SLC9A2: variants seen among roughly 807,000 people sequenced by gnomAD.
The protein encoded by SLC9A2 is sodium/hydrogen exchanger 2.
SLC9A2 carries 42 observed loss-of-function variants against 71.7 expected under a neutral mutation model. The ratio of observed to expected loss-of-function variants is 0.59; its 90% CI spans 0.46 to 0.76. The LOEUF (loss-of-function observed/expected upper bound fraction) is 0.76. Ranked by LOEUF, SLC9A2 falls within the 30% of genes least tolerant of loss-of-function variation. The probability of loss-of-function intolerance (pLI) is 0.00; values close to 1 mark genes in which losing one functional copy is unlikely to be tolerated. For synonymous variants in SLC9A2, 396 were observed against 392.5 expected (o/e 1.01, Z -0.10); for missense variants, 829 against 1,017.4 (o/e 0.81, Z 2.52).
intron 7 of SLC9A2, among the ~76,000 whole-genome samples, chr2:102,696,837 A>G (rs1415045053): frequency 1.3e-5 from 2 of 152,324 alleles, no homozygotes; most frequent in Non-Finnish European, 2.9e-5. Flanking sequence ...TATATTCTCC[A>G]TTGTAAAACT....
chr2:102,688,620 C>G (rs541493324), intron 5 of SLC9A2, among the ~76,000 whole-genome samples: 3 of 151,940 alleles, frequency 2.0e-5, no homozygotes, highest in African/African-American at 7.3e-5. Flanking sequence ...CCCAGCTACT[C>G]GGGAGGCTGA....
At chr2:102,665,773 TAAAAAAAAAAAAAA>T (rs11426516) in intron 3 of SLC9A2, among the ~76,000 whole-genome samples, 12 of 38,772 alleles carry the variant, frequency 3.1e-4, no homozygotes, top group Admixed American at 5.1e-4. Context: ...GACTCTGTCT[TAAAAAAAAAAAAAA>T]AAAAAAAAAA....
chr2:102,670,847 T>G (rs1677235257), intron 3 of SLC9A2, among the ~76,000 whole-genome samples: 1 of 99,502 alleles, frequency 1.0e-5, no homozygotes, highest in Non-Finnish European at 2.0e-5. Flanking sequence ...TAGGAAGGCA[T>G]GCTTTTTTTT....
In SLC9A2 at chr2:102,690,879, A is replaced by G. The variant is rs897249059; in HGVS notation, c.1426-3535A>G. 6.6e-5 allele frequency among the ~76,000 whole-genome samples: 10 copies of G among 152,120 alleles called. No homozygotes were observed. In the East Asian group the frequency reaches 1.7e-3, roughly 26 times the overall value. The stretch of plus-strand genomic sequence containing the variant: ...TTCTGGAAATTACCTGATAATCAGC[A>G]AGGAAATATAAGTTTCTCTCTCCCA... On this transcript the variant is annotated intron_variant, in intron 5 of 11. Coordinates refer to ENST00000233969, the MANE Select transcript of SLC9A2 (RefSeq NM_003048.6).
intron 5 of SLC9A2, 131 bp downstream of exon 5, chr2:102,684,467 CCTGTCTGGGTTCA>C: frequency 1.2e-6 from 1 of 850,122 alleles, no homozygotes. Flanking sequence ...AATGATATTT[CCTGTCTGGGTTCA>C]TGTCACTAGA....
chr2:102,688,413 T>C (rs906193794), intron 5 of SLC9A2, among the ~76,000 whole-genome samples: 17 of 152,154 alleles, frequency 1.1e-4, no homozygotes, highest in African/African-American at 3.6e-4. Flanking sequence ...CGAGTTGCCA[T>C]GTTTAATATA....
At chr2:102,623,515 G>A (rs530691290) in intron 1 of SLC9A2, among the ~76,000 whole-genome samples, 17 of 152,220 alleles carry the variant, frequency 1.1e-4, no homozygotes, top group African/African-American at 3.6e-4. Context: ...AAGCAGGACC[G>A]TCCTGGTGCT....
chr2:102,664,275 A>T (rs1281226078), intron 2 of SLC9A2, among the ~76,000 whole-genome samples: 1 of 147,024 alleles, frequency 6.8e-6, no homozygotes, highest in East Asian at 2.0e-4. Context: ...GTGAGACTCA[A>T]AAAAAAAAAA....
At chr2:102,675,293 C>T (rs1453548341) in intron 3 of SLC9A2, among the ~76,000 whole-genome samples, 2 of 152,110 alleles carry the variant, frequency 1.3e-5, no homozygotes, top group African/African-American at 2.4e-5. Context: ...CCAAGGTGAA[C>T]TGAACTCTAG....
chr2:102,629,496 G>A (rs1436135168), intron 1 of SLC9A2, among the ~76,000 whole-genome samples: 1 of 151,916 alleles, frequency 6.6e-6, no homozygotes, highest in Non-Finnish European at 1.5e-5. Context: ...CATAGATCTG[G>A]ATTTTGCATC....
chr2:102,708,257 A>G lies in SLC9A2; in HGVS notation c.2207A>G (p.Asp736Gly). 6.2e-7 allele frequency: 1 copy of G among 1,614,198 alleles called. No homozygotes were observed. The highest frequency in any genetic ancestry group is 1.1e-5 in the South Asian group (1 of 91,078). Reference protein sequence around the residue: ...SYKMEWKNEVDVDSGRDMPST... With the variant: ...SYKMEWKNEVGVDSGRDMPST... Reference sequence around the variant, plus strand: ...AAAATGGAATGGAAGAATGAGGTAGATGTTGATTCTGGCCGAGATATGCCC... The same window carrying G: ...AAAATGGAATGGAAGAATGAGGTAGGTGTTGATTCTGGCCGAGATATGCCC... Residue 736 changes from aspartate to glycine, a missense_variant, in exon 12 of 12, where the codon GAT becomes GGT. Transcript: ENST00000233969.
At chr2:102,699,543 G>A (rs887468882) in intron 7 of SLC9A2, among the ~76,000 whole-genome samples, 3 of 152,218 alleles carry the variant, frequency 2.0e-5, no homozygotes, top group African/African-American at 7.2e-5. Flanking sequence ...ATCCGAGAGA[G>A]AATGATGTCT....
chr2:102,620,479 G>A (rs1046754059), intron 1 of SLC9A2, among the ~76,000 whole-genome samples: 1 of 152,164 alleles, frequency 6.6e-6, no homozygotes, highest in African/African-American at 2.4e-5. Context: ...TCACCTGCAG[G>A]GAGAGAGGTG....
At chr2:102,700,318 G>A (rs1167089352) in intron 7 of SLC9A2, among the ~76,000 whole-genome samples, 1 of 152,184 alleles carries the variant, frequency 6.6e-6, no homozygotes, top group African/African-American at 2.4e-5. Flanking sequence ...GCTATTAAAA[G>A]CTAGGAGACT....
rs191104394 is a variant in SLC9A2, at chr2:102,628,032, A to C, written c.289+7895A>C. Among the ~76,000 whole-genome samples, 311 of 152,246 alleles carry C rather than the reference A, an allele frequency of 2.0e-3. 1 individual carries two copies. The highest frequency in any genetic ancestry group is 7.2e-3 in the African/African-American group (301 of 41,556). ...TACTTATTGAAACTCCTAATAAGAC[A>C]ATTCCCCTTATCAATTTATCCCAAA... On this transcript the variant is annotated intron_variant, in intron 1 of 11. Transcript: ENST00000233969.
intron 1 of SLC9A2, among the ~76,000 whole-genome samples, chr2:102,656,240 C>G (rs1257895702): frequency 6.6e-6 from 1 of 152,236 alleles, no homozygotes; most frequent in Non-Finnish European, 1.5e-5. Flanking sequence ...TCTCTCTCCT[C>G]TTTCCCTACA....
intron 1 of SLC9A2, among the ~76,000 whole-genome samples, chr2:102,642,207 A>G (rs1676596664): frequency 1.3e-5 from 2 of 152,206 alleles, no homozygotes; most frequent in African/African-American, 2.4e-5. Context: ...CTGTGCAAGC[A>G]TTTCTTCAAC....
intron 9 of SLC9A2, among the ~76,000 whole-genome samples, chr2:102,702,708 G>C (rs745968452): frequency 6.6e-6 from 1 of 152,122 alleles, no homozygotes; most frequent in African/African-American, 2.4e-5. Flanking sequence ...GGGGTCCCCT[G>C]GGAGTTCTGC....
intron 1 of SLC9A2, among the ~76,000 whole-genome samples, chr2:102,648,320 C>T (rs1448641550): frequency 6.6e-6 from 1 of 152,066 alleles, no homozygotes; most frequent in African/African-American, 2.4e-5. Flanking sequence ...CCTCAATAAA[C>T]GAGGTATTGA....
Sources: gnomAD v4.1 joint callset for allele counts (sites outside exome capture counted in the v4.1 genomes callset) on GRCh38, gnomAD v4.1.1 for gene constraint, MANE v1.5 for transcripts, NCBI Gene and HGNC (gene_info 2026-07-23, HGNC 2026-07-21) for gene names.